NCAM2: variants seen among roughly 807,000 people sequenced by gnomAD.
NCAM2 encodes the protein N-CAM-2.
A neutral mutation model predicts 98.1 loss-of-function variants in NCAM2; 30 were observed. The observed-to-expected ratio is 0.31, with a 90% confidence interval of 0.23 to 0.41. The LOEUF (loss-of-function observed/expected upper bound fraction) is 0.41. Among genes scored for constraint, NCAM2 ranks in the 10% least tolerant of loss-of-function variants. The pLI is 1.00. For synonymous variants in NCAM2, 368 were observed against 342.4 expected, an observed-to-expected ratio of 1.07 and a Z score of -0.83; for missense variants, 867 against 1,005.8, an observed-to-expected ratio of 0.86 and a Z score of 1.87.
At chr21:21,354,365 G>T (rs1451255812) in intron 8 of NCAM2, among the ~76,000 whole-genome samples, 3 of 152,072 alleles carry the variant, frequency 2.0e-5, no homozygotes, top group Non-Finnish European at 4.4e-5. Flanking sequence ...CTGTATTCAT[G>T]TGCTGCCTGA....
At chr21:21,399,053 G>T (rs2076574943) in intron 9 of NCAM2, among the ~76,000 whole-genome samples, 1 of 152,272 alleles carries the variant, frequency 6.6e-6, no homozygotes, top group South Asian at 2.1e-4. Flanking sequence ...AGGATCAAGA[G>T]GTGACCAAGG....
intron 1 of NCAM2, among the ~76,000 whole-genome samples, chr21:21,148,025 C>T (rs1442495552): frequency 6.6e-6 from 1 of 152,032 alleles, no homozygotes; most frequent in Non-Finnish European, 1.5e-5. Context: ...CCAGCTCAGG[C>T]ATTGAGGCAG....
At chr21:21,071,562 GA>G (rs2065563932) in intron 1 of NCAM2, among the ~76,000 whole-genome samples, 1 of 152,090 alleles carries the variant, frequency 6.6e-6, no homozygotes, top group South Asian at 2.1e-4. Flanking sequence ...GCATTGCATT[GA>G]AAAAGGTTTA....
intron 8 of NCAM2, among the ~76,000 whole-genome samples, chr21:21,370,768 AT>A (rs1397852058): frequency 1.3e-5 from 2 of 151,872 alleles, no homozygotes; most frequent in African/African-American, 4.8e-5. Context: ...CAATTTCCTC[AT>A]CTTAAAATGG....
At chr21:21,129,015 A>G (rs2066883017) in intron 1 of NCAM2, among the ~76,000 whole-genome samples, 1 of 152,098 alleles carries the variant, frequency 6.6e-6, no homozygotes. Context: ...GCCAAGAACA[A>G]CAAATATTAT....
At chr21:21,229,009 T>A (rs1184419949) in intron 1 of NCAM2, among the ~76,000 whole-genome samples, 1 of 151,530 alleles carries the variant, frequency 6.6e-6, no homozygotes, top group African/African-American at 2.4e-5. Context: ...TAAGTTACTC[T>A]TTTCTGTATT....
intron 6 of NCAM2, among the ~76,000 whole-genome samples, chr21:21,331,286 G>A (rs921966816): frequency 4.6e-5 from 7 of 150,974 alleles, no homozygotes; most frequent in South Asian, 2.1e-4. Context: ...ATAGACATGC[G>A]CCACAATGCC....
chr21:21,116,411 A>G (rs2066560594), intron 1 of NCAM2, among the ~76,000 whole-genome samples: 1 of 152,192 alleles, frequency 6.6e-6, no homozygotes, highest in Non-Finnish European at 1.5e-5. Context: ...TATGTAGCAT[A>G]TGAATAACTC....
intron 1 of NCAM2, among the ~76,000 whole-genome samples, chr21:21,059,796 C>G (rs988384050): frequency 4.0e-5 from 6 of 151,898 alleles, no homozygotes; most frequent in African/African-American, 1.5e-4. Flanking sequence ...GTTGGGGTGC[C>G]AATAGTATGT....
intron 14 of NCAM2, among the ~76,000 whole-genome samples, chr21:21,470,299 A>G (rs571971809): frequency 1.3e-4 from 20 of 152,238 alleles, no homozygotes; most frequent in Non-Finnish European, 2.5e-4. Context: ...TACTATTTTA[A>G]AAATCTGACT....
intron 1 of NCAM2, among the ~76,000 whole-genome samples, chr21:21,030,307 C>A (rs550474326): frequency 6.6e-6 from 1 of 152,278 alleles, no homozygotes; most frequent in South Asian, 2.1e-4. Flanking sequence ...AGCCTGATTT[C>A]AAAGGGCAGG....
intron 1 of NCAM2, among the ~76,000 whole-genome samples, chr21:20,999,103 C>G (rs961804833): frequency 2.6e-5 from 4 of 151,912 alleles, no homozygotes; most frequent in Admixed American, 6.6e-5. Context: ...CACCCCTTTC[C>G]CAAAACCCTA....
At chr21:21,213,762 A>G (rs1427217492) in intron 1 of NCAM2, among the ~76,000 whole-genome samples, 3 of 152,158 alleles carry the variant, frequency 2.0e-5, no homozygotes, top group East Asian at 1.9e-4. Context: ...ACATAAAATA[A>G]CAAATTATAC....
At chr21:21,346,611 A>G (rs1051247312) in intron 8 of NCAM2, among the ~76,000 whole-genome samples, 1 of 152,080 alleles carries the variant, frequency 6.6e-6, no homozygotes, top group Non-Finnish European at 1.5e-5. Context: ...GATCATTTTC[A>G]AGGATATATT....
chr21:21,071,826 G>A (rs748492328), intron 1 of NCAM2, among the ~76,000 whole-genome samples: 2 of 152,102 alleles, frequency 1.3e-5, no homozygotes, highest in Non-Finnish European at 2.9e-5. Flanking sequence ...GTAAATGTTA[G>A]CTACATAATA....
At chr21:21,325,108 T>C (rs1329371737) in intron 6 of NCAM2, among the ~76,000 whole-genome samples, 1 of 152,092 alleles carries the variant, frequency 6.6e-6, no homozygotes, top group Non-Finnish European at 1.5e-5. Context: ...ATTCCATTCT[T>C]TTAGATTGTG....
At chr21:21,186,345 A>G (rs1216027035) in intron 1 of NCAM2, among the ~76,000 whole-genome samples, 1 of 152,168 alleles carries the variant, frequency 6.6e-6, no homozygotes, top group Non-Finnish European at 1.5e-5. Context: ...AAATGTTTCA[A>G]GTTTACATTT....
intron 1 of NCAM2, among the ~76,000 whole-genome samples, chr21:21,138,082 T>A (rs953520584): frequency 1.3e-5 from 2 of 152,286 alleles, no homozygotes; most frequent in African/African-American, 4.8e-5. Context: ...CTACCTTTTG[T>A]CCTATTTCCA....
At chr21:21,165,089 A>G (rs2067907907) in intron 1 of NCAM2, among the ~76,000 whole-genome samples, 1 of 152,158 alleles carries the variant, frequency 6.6e-6, no homozygotes, top group South Asian at 2.1e-4. Context: ...GGACTCAGAA[A>G]GCCTGTGGTA....
Sources: gnomAD v4.1 joint callset for allele counts (sites outside exome capture counted in the v4.1 genomes callset) on GRCh38, gnomAD v4.1.1 for gene constraint, MANE v1.5 for transcripts, NCBI Gene and HGNC (gene_info 2026-07-23, HGNC 2026-07-21) for gene names.